The following SYNE1 variants were observed in gnomAD, a reference collection of about 807,000 sequenced individuals.
The protein encoded by SYNE1 is nesprin-1.
In SYNE1, 616 loss-of-function variants were observed where a neutral mutation model predicts 1,111.0. The ratio of observed to expected loss-of-function variants is 0.55; its 90% CI spans 0.52 to 0.59. The LOEUF (loss-of-function observed/expected upper bound fraction) is 0.59. SYNE1 is among the 20% of genes least tolerant of loss of function. The pLI is 0.00. For missense variants in SYNE1, 10,006 were observed against 10,417.0 expected, an observed-to-expected ratio of 0.96 and a Z score of 1.72; for synonymous variants, 3,855 against 3,825.8, an observed-to-expected ratio of 1.01 and a Z score of -0.28.
chr6:152,283,858 A>G (rs2094170948), intron 96 of SYNE1, 120 bp downstream of exon 96: 1 of 904,454 alleles, frequency 1.1e-6, no homozygotes, highest in Non-Finnish European at 1.8e-6. Context: ...TTGAAACACA[A>G]TCCCAGCTTA....
rs185133607 is a variant in SYNE1, at chr6:152,487,798, G to A, written c.1047+598C>T. ...ATCTATAAGATCATGAGTTCTGGCC[G>A]GGCATGGTGGCTCACGCCTGTAATC... On this transcript the variant is annotated intron_variant, in intron 12 of 145. Transcript: ENST00000367255. 6.2e-4 allele frequency among the ~76,000 whole-genome samples: 95 copies of A among 152,210 alleles called. 1 individual carries two copies. In the South Asian group the frequency reaches 0.014, roughly 23 times the overall value.
intron 36 of SYNE1, among the ~76,000 whole-genome samples, chr6:152,429,698 T>C (rs17082669): frequency 0.044 from 6,767 of 152,236 alleles, 174 homozygotes; most frequent in Non-Finnish European, 0.055. Context: ...AAACCAATCA[T>C]TGGAAACAGA....
At chr6:152,575,219 G>GT (rs2099491612) in intron 3 of SYNE1, among the ~76,000 whole-genome samples, 1 of 152,176 alleles carries the variant, frequency 6.6e-6, no homozygotes, top group Non-Finnish European at 1.5e-5. Context: ...ACCTGATAAA[G>GT]TTTTTCCTAA....
At chr6:152,465,930 C>CTCTAAAT (rs1227912193) in intron 17 of SYNE1, 52 bp downstream of exon 17, 2 of 1,265,094 alleles carry the variant, frequency 1.6e-6, no homozygotes, top group Non-Finnish European at 2.3e-6. Flanking sequence ...AACCTGCAGG[C>CTCTAAAT]TCTAAATTCT....
intron 58 of SYNE1, among the ~76,000 whole-genome samples, chr6:152,375,672 T>C (rs572039424): frequency 7.9e-5 from 12 of 152,336 alleles, no homozygotes; most frequent in African/African-American, 2.9e-4. Context: ...CTCTGTGACC[T>C]CACTGACGCT....
intron 49 of SYNE1, 136 bp downstream of exon 49, chr6:152,398,483 C>A: frequency 1.3e-6 from 1 of 745,832 alleles, no homozygotes; most frequent in Non-Finnish European, 2.4e-6. Flanking sequence ...TTCCTTCTGA[C>A]TCAATCAGCC....
chr6:152,169,717 T>C (rs2064683685), intron 130 of SYNE1, among the ~76,000 whole-genome samples: 1 of 150,510 alleles, frequency 6.6e-6, no homozygotes. Context: ...GGAAGACTGC[T>C]TGAGCCCAGG....
At chr6:152,346,734 TGGGA>T (rs2096641588) in intron 73 of SYNE1, among the ~76,000 whole-genome samples, 1 of 151,926 alleles carries the variant, frequency 6.6e-6, no homozygotes, top group Admixed American at 6.6e-5. Context: ...GGCGTGAACC[TGGGA>T]GGCGGAGCTT....
intron 58 of SYNE1, chr6:152,376,168 A>G (rs1036625487): frequency 3.6e-5 from 20 of 554,138 alleles, no homozygotes; most frequent in Non-Finnish European, 4.5e-5. Context: ...TCAGGCTCCT[A>G]TGAGAATCTG....
chr6:152,467,629 A>G (rs564260707), intron 16 of SYNE1, among the ~76,000 whole-genome samples: 20 of 152,266 alleles, frequency 1.3e-4, no homozygotes, highest in African/African-American at 4.6e-4. Flanking sequence ...ATTAAAAATG[A>G]ACAAGTGAGA....
rs758318901 is a variant in SYNE1 at position 152,230,652 on chromosome 6, A to C, written c.21090T>G (p.Asn7030Lys). The C allele has an allele frequency of 1.9e-6, 3 of 1,614,060 alleles. No individual in the cohort carries two copies. Among genetic ancestry groups the C allele is most frequent in the East Asian group, 4.5e-5 (2 of 44,856 alleles). ...LLESWSEYENNVQCLKTWFET... is the reference protein window; with the variant it reads ...LLESWSEYENKVQCLKTWFET... ...CAAACCATGTTTTCAGACATTGTAC[A>C]TTATTTTCATATTCTGACCAAGATT... is the stretch of plus-strand genomic sequence containing the variant. Residue 7030 changes from asparagine to lysine, a missense_variant, in exon 115 of 146, where the codon AAT (asparagine) becomes AAG (lysine). Physicochemically the swap from Asn to Lys is moderately conservative, Grantham distance 94 (BLOSUM62 0). Around this residue, in one of 7 missense-constraint regions of SYNE1, gnomAD observed 2,182 missense variants for 2,287.8 expected, o/e 0.95. Coordinates refer to ENST00000367255, the MANE Select transcript of SYNE1 (RefSeq NM_182961.4).
intron 100 of SYNE1, among the ~76,000 whole-genome samples, chr6:152,267,663 C>T (rs2153671391): frequency 6.6e-6 from 1 of 152,270 alleles, no homozygotes; most frequent in African/African-American, 2.4e-5. Flanking sequence ...TTAACGGGCC[C>T]CTGCATTTAT....
intron 38 of SYNE1, among the ~76,000 whole-genome samples, chr6:152,425,817 C>T (rs956891778): frequency 2.6e-5 from 4 of 152,114 alleles, no homozygotes; most frequent in Non-Finnish European, 2.9e-5. Context: ...TAATAAAATG[C>T]GACTAAAACC....
At chr6:152,545,142 CTGAG>C (rs2099302962) in intron 3 of SYNE1, among the ~76,000 whole-genome samples, 3 of 152,046 alleles carry the variant, frequency 2.0e-5, no homozygotes, top group Admixed American at 2.0e-4. Flanking sequence ...TAATTTATTA[CTGAG>C]TGATATAGCA....
intron 73 of SYNE1, among the ~76,000 whole-genome samples, chr6:152,345,843 ATT>A (rs2096619321): frequency 6.6e-6 from 1 of 152,194 alleles, no homozygotes; most frequent in Admixed American, 6.5e-5. Flanking sequence ...TCTTACACTT[ATT>A]TCTAAAACAT....
At chr6:152,506,402 G>A (rs145786366) in intron 8 of SYNE1, among the ~76,000 whole-genome samples, 1 of 152,042 alleles carries the variant, frequency 6.6e-6, no homozygotes, top group Admixed American at 6.6e-5. Flanking sequence ...ATTAACCTTA[G>A]AGATGTCTCT....
intron 93 of SYNE1, among the ~76,000 whole-genome samples, chr6:152,299,687 C>CT (rs368139635): frequency 0.029 from 4,146 of 143,490 alleles, 186 homozygotes; most frequent in African/African-American, 0.094. Flanking sequence ...CTTGATGTTC[C>CT]TTTTTTTTTT....
At chr6:152,145,422 T>C in intron 137 of SYNE1, 1 of 1,464,524 alleles carries the variant, frequency 6.8e-7, no homozygotes, top group South Asian at 1.1e-5. Flanking sequence ...ACAGCAGATG[T>C]GCTAAGAGAG....
Position 152,466,032 on chromosome 6 carries a change from T to C in SYNE1, c.1679A>G (p.Tyr560Cys). 1 of 1,613,016 alleles carries C rather than the reference T, an allele frequency of 6.2e-7. No individual in the cohort carries two copies. The highest frequency in any genetic ancestry group is 8.5e-7 in the Non-Finnish European group (1 of 1,179,226). Residue 560 changes from tyrosine to cysteine, a missense_variant, in exon 17 of 146, where the codon TAC becomes TGC. Physicochemically the swap from Tyr to Cys is radical, Grantham distance 194. Around this residue, in one of 7 missense-constraint regions of SYNE1, gnomAD observed 1,971 missense variants for 2,084.1 expected, o/e 0.95. Coordinates refer to ENST00000367255, the MANE Select transcript of SYNE1 (RefSeq NM_182961.4). ...SKFFEQYEVT[Y>C]QILKQTAEMY... The stretch of plus-strand genomic sequence containing the variant: ...CTCAGCTGTCTGTTTCAAGATCTGG[T>C]ATGTCACCTCATATTGTTCAAAGAA...
Sources: gnomAD v4.1 joint callset for allele counts (sites outside exome capture counted in the v4.1 genomes callset) on GRCh38, gnomAD v4.1.1 for gene constraint, gnomAD v4.1.1 regional missense constraint, MANE v1.5 for transcripts, NCBI Gene and HGNC (gene_info 2026-07-23, HGNC 2026-07-21) for gene names.